The following EPHA3 variants were observed in gnomAD, a reference collection of about 807,000 sequenced individuals.
EPHA3 encodes EPH receptor A3, also known as ephrin type-A receptor 3.
Under a neutral mutation model 107.1 loss-of-function variants are expected in EPHA3, and 42 were observed. That is an observed-to-expected ratio of 0.39 (90% confidence interval 0.31 to 0.51). The LOEUF (loss-of-function observed/expected upper bound fraction) is 0.51, where lower values mean the gene tolerates loss of function less well. Among genes scored for constraint, EPHA3 ranks in the 20% least tolerant of loss-of-function variants. The pLI, the probability that EPHA3 is intolerant of heterozygous loss-of-function variation, is 0.78. For missense variants in EPHA3, 1,183 were observed against 1,211.2 expected (o/e 0.98, Z 0.35); for synonymous variants, 461 against 424.8 (o/e 1.09, Z -1.05).
chr3:89,425,629 CAGTT>C (rs752672615), intron 11 of EPHA3, among the ~76,000 whole-genome samples: 23 of 151,288 alleles, frequency 1.5e-4, no homozygotes, highest in Admixed American at 1.3e-3. Context: ...ATCTGATAAA[CAGTT>C]TGTTTGAATG....
At chr3:89,233,841 T>G (rs1704691941) in intron 3 of EPHA3, among the ~76,000 whole-genome samples, 1 of 152,204 alleles carries the variant, frequency 6.6e-6, no homozygotes, top group South Asian at 2.1e-4. Flanking sequence ...ATAATGATGA[T>G]TTGCTATTTT....
rs1309924483 is a variant in EPHA3 at position 89,350,465 on chromosome 3, C to T, written c.1306+8375C>T. The stretch of plus-strand genomic sequence containing the variant: ...GTTCTCAAGCCTTGGTTTTCAGCTT[C>T]ATCAGCTCCTTTAAGCACTTCTCTG... On this transcript the variant is annotated intron_variant, in intron 5 of 16. Coordinates refer to ENST00000336596, the MANE Select transcript of EPHA3 (RefSeq NM_005233.6). Among the ~76,000 whole-genome samples, 52 of 151,394 alleles carry T rather than the reference C, an allele frequency of 3.4e-4. 2 individuals carry two copies. Among genetic ancestry groups the T allele is most frequent in the Non-Finnish European group, 3.4e-4 (23 of 67,654 alleles).
intron 13 of EPHA3, among the ~76,000 whole-genome samples, chr3:89,442,157 A>G (rs1709798386): frequency 6.6e-6 from 1 of 152,164 alleles, no homozygotes; most frequent in Non-Finnish European, 1.5e-5. Flanking sequence ...AAGAAAAGGA[A>G]GGAAGATAGG....
intron 5 of EPHA3, among the ~76,000 whole-genome samples, chr3:89,359,444 C>T (rs62275015): frequency 4.0e-4 from 60 of 150,248 alleles, no homozygotes; most frequent in African/African-American, 1.4e-3. Flanking sequence ...TGTTAATCTA[C>T]ATGCACACTT....
chr3:89,373,507 C>G (rs1489349188), intron 5 of EPHA3, among the ~76,000 whole-genome samples: 1 of 151,822 alleles, frequency 6.6e-6, no homozygotes, highest in African/African-American at 2.4e-5. Context: ...CTTTTAGCAG[C>G]AAATGGGAAC....
intron 15 of EPHA3, among the ~76,000 whole-genome samples, chr3:89,471,489 G>A (rs1028679462): frequency 3.9e-5 from 6 of 152,146 alleles, no homozygotes; most frequent in Middle Eastern, 3.4e-3. Flanking sequence ...CTGCTTCAGC[G>A]TCCCGAGTAG....
At chr3:89,173,363 G>A (rs957322602) in intron 2 of EPHA3, among the ~76,000 whole-genome samples, 5 of 151,960 alleles carry the variant, frequency 3.3e-5, no homozygotes, top group Non-Finnish European at 7.4e-5. Context: ...CCCTTACATA[G>A]GCAGTAAATC....
intron 3 of EPHA3, among the ~76,000 whole-genome samples, chr3:89,211,706 T>C (rs576536927): frequency 6.8e-4 from 102 of 150,926 alleles, no homozygotes; most frequent in Admixed American, 6.2e-3. Context: ...CTCCCCCTCT[T>C]CCTCTTCCTC....
chr3:89,341,835 A>G lies in EPHA3; in HGVS notation c.1051A>G (p.Thr351Ala), dbSNP rs933501529. The change falls in exon 5 of 17, where the codon ACA (threonine) becomes GCA (alanine). Residue 351 changes from threonine (T) to alanine (A), a missense_variant. Coordinates refer to ENST00000336596, the MANE Select transcript of EPHA3 (RefSeq NM_005233.6). ...VILDWSWPLD[T>A]GGRKDVTFNI... ...CCTGGACTGGAGTTGGCCCCTGGAC[A>G]CAGGAGGCCGGAAAGATGTTACCTT... 4 of 1,613,882 alleles carry G rather than the reference A, an allele frequency of 2.5e-6. No individual in the cohort carries two copies. The Admixed American group carries it at 6.7e-5, about 27-fold the overall frequency.
intron 5 of EPHA3, among the ~76,000 whole-genome samples, chr3:89,344,410 T>G (rs2107425920): frequency 6.6e-6 from 1 of 152,274 alleles, no homozygotes; most frequent in African/African-American, 2.4e-5. Context: ...AAAAAATCAC[T>G]AATGTGTTTA....
At chr3:89,447,288 G>A (rs1357903412) in intron 13 of EPHA3, among the ~76,000 whole-genome samples, 1 of 152,056 alleles carries the variant, frequency 6.6e-6, no homozygotes, top group Non-Finnish European at 1.5e-5. Context: ...TCTTCACCTG[G>A]TAGCTTCTTA....
chr3:89,163,788 C>T (rs1704999771), intron 2 of EPHA3, among the ~76,000 whole-genome samples: 1 of 152,006 alleles, frequency 6.6e-6, no homozygotes, highest in Non-Finnish European at 1.5e-5. Context: ...GCCAAGAGAA[C>T]CTACAGTGTT....
At position 89,396,513 on chromosome 3, in the gene EPHA3, T is replaced by TA. The variant is rs964106145; in HGVS notation, c.1431+560dup. Among the ~76,000 whole-genome samples the TA allele has an allele frequency of 7.2e-5, 11 of 152,010 alleles. No individual in the cohort carries two copies. In the East Asian group the frequency reaches 1.4e-3, roughly 19 times the overall value. On this transcript the variant is annotated intron_variant, in intron 6 of 16. Coordinates refer to ENST00000336596, the MANE Select transcript of EPHA3 (RefSeq NM_005233.6). ...AGTTGTGGCTTGGTAATGCAATTATTAAAAAAAATAGGCACATGGTTATTT... is the reference window on the plus strand; with the variant it reads ...AGTTGTGGCTTGGTAATGCAATTATTAAAAAAAAATAGGCACATGGTTATTT...
chr3:89,445,583 C>A (rs1465843158), intron 13 of EPHA3, among the ~76,000 whole-genome samples: 1 of 152,052 alleles, frequency 6.6e-6, no homozygotes. Flanking sequence ...TGATTGAATG[C>A]CACTTAATTT....
chr3:89,207,580 T>C (rs568325471), intron 2 of EPHA3, among the ~76,000 whole-genome samples: 54 of 95,650 alleles, frequency 5.6e-4, no homozygotes, highest in African/African-American at 1.4e-3. Context: ...ATAGTGTCAA[T>C]AGAAATAGAA....
rs1485538511 is a variant in EPHA3, at chr3:89,209,958, A to C, written c.252A>C (p.Thr84=). ...MDHSQNNWLR[T]NWVPRNSAQK... Reference sequence around the variant, plus strand: ...ACAGTCAAAACAATTGGCTGAGAACAAACTGGGTCCCCAGGAACTCAGCTC... The same window carrying C: ...ACAGTCAAAACAATTGGCTGAGAACCAACTGGGTCCCCAGGAACTCAGCTC... Residue 84 remains threonine (T), a synonymous_variant, in exon 3 of 17, where the codon ACA becomes ACC. Transcript: ENST00000336596. 1.2e-6 allele frequency: 2 copies of C among 1,613,972 alleles called. No homozygotes were observed. The highest frequency in any genetic ancestry group is 1.7e-5 in the Admixed American group (1 of 59,940).
At chr3:89,314,076 G>A (rs1559643418) in intron 3 of EPHA3, among the ~76,000 whole-genome samples, 1 of 151,780 alleles carries the variant, frequency 6.6e-6, no homozygotes, top group East Asian at 1.9e-4. Flanking sequence ...ACATGCCCTT[G>A]TCCATTTGGT....
At chr3:89,237,766 G>A (rs1249153225) in intron 3 of EPHA3, among the ~76,000 whole-genome samples, 1 of 151,858 alleles carries the variant, frequency 6.6e-6, no homozygotes, top group Non-Finnish European at 1.5e-5. Flanking sequence ...AGGAATTCAA[G>A]GGCAGCCTGG....
chr3:89,443,442 G>A (rs1471314732), intron 13 of EPHA3, among the ~76,000 whole-genome samples: 1 of 152,104 alleles, frequency 6.6e-6, no homozygotes, highest in Non-Finnish European at 1.5e-5. Context: ...TAAGAAAAAA[G>A]AGGACATTAG....
Sources: gnomAD v4.1 joint callset for allele counts (sites outside exome capture counted in the v4.1 genomes callset) on GRCh38, gnomAD v4.1.1 for gene constraint, MANE v1.5 for transcripts, NCBI Gene and HGNC (gene_info 2026-07-23, HGNC 2026-07-21) for gene names.